NXN: variants seen among roughly 807,000 people sequenced by gnomAD.
The protein encoded by NXN is nucleoredoxin.
NXN carries 16 observed loss-of-function variants against 48.6 expected under a neutral mutation model. The observed-to-expected ratio is 0.33, with a 90% CI of 0.22 to 0.50. The LOEUF (loss-of-function observed/expected upper bound fraction) is 0.50. NXN is among the 20% of genes least tolerant of loss of function. The pLI is 0.98. For missense variants in NXN, 492 were observed against 605.5 expected (o/e 0.81, Z 1.97); for synonymous variants, 281 against 269.6 (o/e 1.04, Z -0.41).
chr17:904,132 C>A (rs2068561102), intron 1 of NXN, among the ~76,000 whole-genome samples: 1 of 152,206 alleles, frequency 6.6e-6, no homozygotes, highest in Admixed American at 6.5e-5. Flanking sequence ...CTGAATAAGG[C>A]CAAACTCTGT....
intron 1 of NXN, among the ~76,000 whole-genome samples, chr17:862,244 G>A (rs1035643996): frequency 1.8e-4 from 27 of 152,194 alleles, no homozygotes; most frequent in East Asian, 3.8e-4. Context: ...GGCCAGGCAC[G>A]GTGGCTCACA....
intron 1 of NXN, among the ~76,000 whole-genome samples, chr17:970,453 T>G (rs536897489): frequency 6.6e-6 from 1 of 151,428 alleles, no homozygotes; most frequent in African/African-American, 2.4e-5. Flanking sequence ...AAAAGGCCCT[T>G]AGAAAAAAAA....
chr17:948,699 GCCT>G (rs1321661891), intron 1 of NXN, among the ~76,000 whole-genome samples: 1 of 151,850 alleles, frequency 6.6e-6, no homozygotes, highest in Non-Finnish European at 1.5e-5. Context: ...CCAACGCGGG[GCCT>G]CACCCCGGCC....
chr17:862,951 C>A (rs1351445678), intron 1 of NXN, among the ~76,000 whole-genome samples: 1 of 152,128 alleles, frequency 6.6e-6, no homozygotes, highest in African/African-American at 2.4e-5. Flanking sequence ...GAAGAGAACA[C>A]CCTTGTTTTT....
intron 1 of NXN, among the ~76,000 whole-genome samples, chr17:835,349 G>T (rs550600648): frequency 6.7e-6 from 1 of 150,302 alleles, no homozygotes; most frequent in Non-Finnish European, 1.5e-5. Context: ...AACCCCCAAC[G>T]CCTACAACTC....
intron 1 of NXN, among the ~76,000 whole-genome samples, chr17:870,149 G>A (rs372204240): frequency 7.0e-4 from 107 of 152,162 alleles, no homozygotes; most frequent in African/African-American, 2.1e-3. Flanking sequence ...GGCTCAGAAC[G>A]TCAGCAGGGC....
chr17:841,483 CCCCCTGACCACGGCGCATCTCACACGG>C (rs1914240290), intron 1 of NXN, among the ~76,000 whole-genome samples: 7 of 145,788 alleles, frequency 4.8e-5, no homozygotes, highest in South Asian at 4.3e-4. Flanking sequence ...CGAGCAGGTC[CCCCCTGACCACGGCGCATCTCACACGG>C]GCGAGCAGGT....
At chr17:945,617 T>C (rs2069034463) in intron 1 of NXN, among the ~76,000 whole-genome samples, 1 of 126,078 alleles carries the variant, frequency 7.9e-6, no homozygotes, top group African/African-American at 3.4e-5. Context: ...GGCGAGAGAG[T>C]GACTCCGTCT....
intron 2 of NXN, among the ~76,000 whole-genome samples, chr17:824,141 G>A (rs1230561944): frequency 2.0e-5 from 3 of 151,078 alleles, no homozygotes; most frequent in Non-Finnish European, 4.4e-5. Context: ...CCGGGTTCAC[G>A]CCATTCCCCG....
At chr17:897,725 G>T (rs969213184) in intron 1 of NXN, among the ~76,000 whole-genome samples, 1 of 152,072 alleles carries the variant, frequency 6.6e-6, no homozygotes, top group Admixed American at 6.6e-5. Flanking sequence ...ACCCAGGCTG[G>T]AGTGCAGTGG....
chr17:870,409 G>A (rs988919934), intron 1 of NXN, among the ~76,000 whole-genome samples: 3 of 150,154 alleles, frequency 2.0e-5, no homozygotes, highest in South Asian at 2.1e-4. Context: ...AGAGTGAGGC[G>A]GCCTAAGGGA....
chr17:944,422 G>A (rs925148558), intron 1 of NXN, among the ~76,000 whole-genome samples: 5 of 152,258 alleles, frequency 3.3e-5, no homozygotes, highest in Admixed American at 6.5e-5. Context: ...ACCCCCGTCC[G>A]AGGACTGCCT....
rs986405619 is a variant in NXN at position 956,472 on chromosome 17, G to A, written c.360+22847C>T. ...CTTGTCACCCAGGCTGGAGTGCAAC[G>A]GCACAACCTCAGCTCACTGCAACCT... On this transcript the variant is annotated intron_variant, in intron 1 of 7. Coordinates refer to ENST00000336868, the MANE Select transcript of NXN (RefSeq NM_022463.5). This position sits in a 1 kb window ranked among gnomAD's most constrained non-coding sequence, Gnocchi z 4.1. Among the ~76,000 whole-genome samples the A allele has an allele frequency of 6.6e-6, 1 of 152,012 alleles. No homozygotes were observed. Among genetic ancestry groups the A allele is most frequent in the African/African-American group, 2.4e-5 (1 of 41,380 alleles).
Position 800,708 on chromosome 17 carries a change from G to A in NXN, c.*241C>T, listed in dbSNP as rs531136137. ...AAAGCCATGCAGCCCCGCTCTGGCC[G>A]GGCCCCCGGCCATCCCGTGCTCCCA... is the stretch of plus-strand genomic sequence containing the variant. On this transcript the variant is annotated 3_prime_UTR_variant, in exon 8 of 8. Transcript: ENST00000336868. 22 of 354,302 alleles carry A rather than the reference G, an allele frequency of 6.2e-5. No homozygotes were observed. The highest frequency in any genetic ancestry group is 1.4e-3 in the Middle Eastern group (2 of 1,388). 21.9% of individuals were successfully genotyped at this position (354,302 alleles called of 1,614,324 possible).
At chr17:817,082 C>T (rs375754347) in intron 5 of NXN, among the ~76,000 whole-genome samples, 7 of 152,208 alleles carry the variant, frequency 4.6e-5, no homozygotes, top group East Asian at 1.9e-4. Flanking sequence ...GCAGCAGCAC[C>T]CCCCGACACA....
intron 1 of NXN, among the ~76,000 whole-genome samples, chr17:916,214 T>A (rs1304246498): frequency 6.6e-6 from 1 of 152,124 alleles, no homozygotes. Flanking sequence ...GGCAGAAAAT[T>A]GCATCTTTCA....
intron 1 of NXN, among the ~76,000 whole-genome samples, chr17:854,382 C>A (rs1042782400): frequency 6.6e-6 from 1 of 152,034 alleles, no homozygotes. Context: ...GGAGCGGTGG[C>A]TCACGCCTGT....
chr17:945,628 CAAAAA>C (rs58303386), intron 1 of NXN, among the ~76,000 whole-genome samples: 1 of 86,622 alleles, frequency 1.2e-5, no homozygotes, highest in Non-Finnish European at 2.7e-5. Context: ...GACTCCGTCT[CAAAAA>C]AAAAAAAAAA....
At chr17:977,627 TCTA>T (rs1464095576) in intron 1 of NXN, among the ~76,000 whole-genome samples, 1 of 152,254 alleles carries the variant, frequency 6.6e-6, no homozygotes, top group African/African-American at 2.4e-5. Context: ...TTACCATAAT[TCTA>T]TGTTTTCAAA....
Sources: allele counts gnomAD v4.1 joint callset (sites outside exome capture counted in the v4.1 genomes callset), GRCh38; gene constraint gnomAD v4.1.1; non-coding constraint Gnocchi (gnomAD v3.1); transcripts MANE v1.5; gene names NCBI Gene and HGNC (gene_info 2026-07-23, HGNC 2026-07-21).